Variants in PPP1R37 observed in about 807,000 individuals in gnomAD.
The protein encoded by PPP1R37 is protein phosphatase 1 regulatory subunit 37.
Under a neutral mutation model 61.0 loss-of-function variants are expected in PPP1R37, and 21 were observed. The ratio of observed to expected loss-of-function variants is 0.34; its 90% confidence interval spans 0.24 to 0.50. The LOEUF (loss-of-function observed/expected upper bound fraction) is 0.50. Ranked by LOEUF, PPP1R37 falls within the 20% of genes least tolerant of loss-of-function variation. The pLI is 0.98. For missense variants in PPP1R37, 910 were observed against 952.7 expected, an observed-to-expected ratio of 0.96 and a Z score of 0.59; for synonymous variants, 443 against 433.5, an observed-to-expected ratio of 1.02 and a Z score of -0.27.
intron 1 of PPP1R37, among the ~76,000 whole-genome samples, chr19:45,124,532 G>C (rs534996177): frequency 5.3e-5 from 8 of 152,062 alleles, no homozygotes; most frequent in Admixed American, 5.2e-4. Flanking sequence ...CCTCAGTCCA[G>C]TGCGTGCACG....
chr19:45,095,197 A>G (rs1967977262), intron 1 of PPP1R37, among the ~76,000 whole-genome samples: 2 of 152,158 alleles, frequency 1.3e-5, no homozygotes, highest in African/African-American at 4.8e-5. Flanking sequence ...GCTACTTATT[A>G]TAATTTTTTA....
rs1314862811 is a variant in PPP1R37, at chr19:45,146,434, C to T, written c.2038C>T (p.Leu680=). ...KNEKELEELL[L]EASQESGQET... is the part of the protein sequence containing the mutation. ...CGAGAAGGAGCTCGAGGAGCTGCTT[C>T]TGGAAGCCAGTCAGGAATCCGGGCA... Residue 680 remains leucine (L), a synonymous_variant, in exon 12 of 13, where the codon CTG becomes TTG. Coordinates refer to ENST00000221462, the MANE Select transcript of PPP1R37 (RefSeq NM_019121.2). 3.9e-6 allele frequency: 6 copies of T among 1,535,792 alleles called. No individual in the cohort carries two copies. In the African/African-American group the frequency reaches 8.2e-5, roughly 21 times the overall value.
At position 45,143,615 on chromosome 19, in the gene PPP1R37, C is replaced by T; in HGVS notation, c.969C>T (p.Ala323=). 1 of 1,534,378 alleles carries T rather than the reference C, an allele frequency of 6.5e-7. No individual in the cohort carries two copies. The highest frequency in any genetic ancestry group is 8.7e-7 in the Non-Finnish European group (1 of 1,145,350). Residue 323 remains alanine, a synonymous_variant, in exon 8 of 13, where the codon GCC becomes GCT. Transcript: ENST00000221462. ...WNNQLTHTGM[A]FLGMTLPHTQ... ...ACCAGCTCACGCACACAGGCATGGC[C>T]TTCCTGGGCATGACACTGGTGAGTC...
At chr19:45,138,080 A>C (rs1053848294) in intron 1 of PPP1R37, among the ~76,000 whole-genome samples, 2 of 152,114 alleles carry the variant, frequency 1.3e-5, no homozygotes, top group African/African-American at 4.8e-5. Context: ...CCATGTTCTC[A>C]CCACTTTACT....
Position 45,130,761 on chromosome 19 carries a change from C to T in PPP1R37, c.203-7753C>T, listed in dbSNP as rs752367071. Among the ~76,000 whole-genome samples, 1 of 152,312 alleles carries T rather than the reference C, an allele frequency of 6.6e-6. No individual in the cohort carries two copies. The highest frequency in any genetic ancestry group is 2.4e-5 in the African/African-American group (1 of 41,572). On this transcript the variant is annotated intron_variant, in intron 1 of 12. Coordinates refer to ENST00000221462, the MANE Select transcript of PPP1R37 (RefSeq NM_019121.2). The surrounding 1 kb of genome is among the most constrained non-coding windows in gnomAD (Gnocchi z 4.4). Reference sequence around the variant, plus strand: ...ACTCTGGTGCTCTGTGAACCTGGCTCGCAGACGTCCCGATTTCATGTGGTG... The same window carrying T: ...ACTCTGGTGCTCTGTGAACCTGGCTTGCAGACGTCCCGATTTCATGTGGTG...
In PPP1R37 at chr19:45,145,405, G is replaced by A. The variant is rs1212714909; in HGVS notation, c.1349G>A (p.Gly450Asp). The change falls in exon 11 of 13, where the codon GGC becomes GAC. Residue 450 changes from glycine (G) to aspartate (D), a missense_variant. Gly to Asp is a moderately conservative substitution (Grantham distance 94). Transcript: ENST00000221462. ...QKALLAEIQN[G>D]CKRNLVLARE... ...GCGCTGCTGGCCGAGATCCAGAACG[G>A]CTGCAAGCGCAACTTGGTGCTGGCG... The A allele has an allele frequency of 2.0e-6, 3 of 1,535,440 alleles. No homozygotes were observed. In the Admixed American group the frequency reaches 5.9e-5, roughly 30 times the overall value.
chr19:45,146,639 A>G lies in PPP1R37; in HGVS notation c.*77A>G. 1.7e-6 allele frequency: 1 copy of G among 589,652 alleles called. No homozygotes were observed. The highest frequency in any genetic ancestry group is 3.0e-6 in the Non-Finnish European group (1 of 337,040). 36.5% of individuals were successfully genotyped at this position (589,652 alleles called of 1,614,324 possible). A position where few individuals can be genotyped will look rare whatever the true frequency, so the allele number is the denominator to read the frequency against. ...ATGAGAATCTGCTCACCTTCCCCCC[A>G]GCCTTCCTGAGGCCCAGGATGCCAG... On this transcript the variant is annotated 3_prime_UTR_variant, in exon 13 of 13. Coordinates refer to ENST00000221462, the MANE Select transcript of PPP1R37 (RefSeq NM_019121.2).
At chr19:45,115,434 G>C (rs934453698) in intron 1 of PPP1R37, among the ~76,000 whole-genome samples, 1 of 152,128 alleles carries the variant, frequency 6.6e-6, no homozygotes, top group Non-Finnish European at 1.5e-5. Context: ...TGGAAAGGAT[G>C]GGGGAGGGAT....
chr19:45,144,100 A>G (rs910964326), intron 8 of PPP1R37: 62 of 152,404 alleles, frequency 4.1e-4, no homozygotes, highest in Admixed American at 5.9e-4. Context: ...TGCAAGCCCC[A>G]CCTCCTGGGT....
chr19:45,131,671 G>A (rs559868256), intron 1 of PPP1R37, among the ~76,000 whole-genome samples: 1 of 152,308 alleles, frequency 6.6e-6, no homozygotes, highest in African/African-American at 2.4e-5. Context: ...GAGGATTGCT[G>A]GAGCCTGGGA....
chr19:45,105,442 G>A (rs1968117861), intron 1 of PPP1R37, among the ~76,000 whole-genome samples: 2 of 152,014 alleles, frequency 1.3e-5, no homozygotes, highest in Admixed American at 1.3e-4. Context: ...ATCTCTCCAT[G>A]TAGGACACCG....
Position 45,142,471 on chromosome 19 carries a change from G to A in PPP1R37, c.874+13G>A, listed in dbSNP as rs551628275. On this transcript the variant is annotated intron_variant, in intron 7 of 12. Transcript: ENST00000221462. ...GTGCTAGACTCGGGTGGGTGCAGTG[G>A]CCCACCCCACCCACACCCGTCACCC... 27 of 1,535,014 alleles carry A rather than the reference G, an allele frequency of 1.8e-5. No individual in the cohort carries two copies. In the African/African-American group the frequency reaches 3.4e-4, roughly 19 times the overall value.
intron 1 of PPP1R37, among the ~76,000 whole-genome samples, chr19:45,108,157 G>A (rs1179808453): frequency 1.3e-5 from 2 of 152,146 alleles, no homozygotes; most frequent in Non-Finnish European, 2.9e-5. Flanking sequence ...AGTCACCACT[G>A]TAGCTTTAGA....
rs1301218231 is a variant in PPP1R37, at chr19:45,130,741, G to T, written c.203-7773G>T. ...GCCCTAGCTAGGACCTCCTGACTCT[G>T]GTGCTCTGTGAACCTGGCTCGCAGA... On this transcript the variant is annotated intron_variant, in intron 1 of 12. Transcript: ENST00000221462. This position sits in a 1 kb window ranked among gnomAD's most constrained non-coding sequence, Gnocchi z 4.4. 1.3e-5 allele frequency among the ~76,000 whole-genome samples: 2 copies of T among 152,216 alleles called. No homozygotes were observed. The highest frequency in any genetic ancestry group is 2.9e-5 in the Non-Finnish European group (2 of 68,028).
chr19:45,129,760 G>A (rs1351302328), intron 1 of PPP1R37, among the ~76,000 whole-genome samples: 1 of 152,154 alleles, frequency 6.6e-6, no homozygotes, highest in East Asian at 1.9e-4. Flanking sequence ...CCGTACCTGT[G>A]CCTCTCCCCA....
chr19:45,138,424 T>C (rs1968565632), intron 1 of PPP1R37, 90 bp from the exon 2 acceptor site: 4 of 879,194 alleles, frequency 4.5e-6, no homozygotes, highest in African/African-American at 3.3e-5. Context: ...GAGGGCAGTA[T>C]GGGCAGAGGC....
At chr19:45,133,241 A>G (rs1272499325) in intron 1 of PPP1R37, among the ~76,000 whole-genome samples, 1 of 152,084 alleles carries the variant, frequency 6.6e-6, no homozygotes, top group South Asian at 2.1e-4. Flanking sequence ...GCGCCACAAC[A>G]CCCAGCTAAT....
intron 12 of PPP1R37, 22 bp from the exon 13 acceptor site, chr19:45,146,549 C>A: frequency 3.5e-6 from 4 of 1,131,530 alleles, no homozygotes; most frequent in Non-Finnish European, 5.1e-6. Flanking sequence ...GACAGTCTCT[C>A]CCCCAATCTC....
chr19:45,123,605 C>T (rs1408104103), intron 1 of PPP1R37, among the ~76,000 whole-genome samples: 1 of 152,180 alleles, frequency 6.6e-6, no homozygotes, highest in Non-Finnish European at 1.5e-5. Context: ...AAGACCATTC[C>T]CTCTGTAGCG....
Sources: allele counts gnomAD v4.1 joint callset (sites outside exome capture counted in the v4.1 genomes callset), GRCh38; gene constraint gnomAD v4.1.1; non-coding constraint Gnocchi (gnomAD v3.1); transcripts MANE v1.5; gene names NCBI Gene and HGNC (gene_info 2026-07-23, HGNC 2026-07-21).